The following PCSK6 variants were observed in gnomAD, a reference collection of about 807,000 sequenced individuals.
The protein encoded by PCSK6 is proprotein convertase subtilisin/kexin type 6.
In PCSK6, 85 loss-of-function variants were observed where a neutral mutation model predicts 123.3. The ratio of observed to expected loss-of-function variants is 0.69; its 90% confidence interval spans 0.58 to 0.83. The LOEUF is 0.83. Ranked by LOEUF, PCSK6 falls within the 40% of genes least tolerant of loss-of-function variation. The pLI is 0.00. For missense variants in PCSK6, 1,191 were observed against 1,282.3 expected (o/e 0.93, Z 1.09); for synonymous variants, 508 against 516.0 (o/e 0.98, Z 0.21).
At chr15:101,412,694 T>C (rs1473429609) in intron 6 of PCSK6, among the ~76,000 whole-genome samples, 1 of 131,108 alleles carries the variant, frequency 7.6e-6, no homozygotes, top group East Asian at 2.0e-4. Flanking sequence ...TGGAAAATTA[T>C]ATATATATAT....
chr15:101,347,021 TAAAAATGGAACTTTTTGACAAC>T, intron 13 of PCSK6: 1 of 1,231,762 alleles, frequency 8.1e-7, no homozygotes, highest in Non-Finnish European at 1.0e-6. Context: ...CAAATGGGGT[TAAAAATGGAACTTTTTGACAAC>T]AGTGTGTATG....
rs765579645 is a variant in PCSK6 at position 101,307,341 on chromosome 15, G to T, written c.2700-16C>A. On this transcript the variant is annotated splice_polypyrimidine_tract_variant and intron_variant, in intron 20 of 21. Transcript: ENST00000611716. Reference sequence around the variant, plus strand: ...CTCGTCACACCTGTGGGAAGATACCGTTCCTGCTGAAGTCTGGGGAAGAGG... The same window carrying T: ...CTCGTCACACCTGTGGGAAGATACCTTTCCTGCTGAAGTCTGGGGAAGAGG... 1 of 1,591,946 alleles carries T rather than the reference G, an allele frequency of 6.3e-7. No individual in the cohort carries two copies. Among genetic ancestry groups the T allele is most frequent in the African/African-American group, 1.3e-5 (1 of 74,658 alleles).
intron 11 of PCSK6, among the ~76,000 whole-genome samples, chr15:101,381,102 C>G (rs2041899372): frequency 6.6e-6 from 1 of 151,842 alleles, no homozygotes; most frequent in Non-Finnish European, 1.5e-5. Flanking sequence ...TAGCTCACAT[C>G]TGTAATCCAA....
At position 101,357,215 on chromosome 15, in the gene PCSK6, C is replaced by T. The variant is rs7167480; in HGVS notation, c.1858+8981G>A. Among the ~76,000 whole-genome samples the T allele has an allele frequency of 2.3e-3, 348 of 152,314 alleles. 2 individuals carry two copies. Among genetic ancestry groups the T allele is most frequent in the African/African-American group, 7.9e-3 (328 of 41,570 alleles). On this transcript the variant is annotated intron_variant, in intron 13 of 21. Coordinates refer to ENST00000611716, the MANE Select transcript of PCSK6 (RefSeq NM_002570.5). ...GAGGACTGCCTGCTTTTCTGGTCTA[C>T]GCGTGTGTGTGTGCTGCACTGTGCC...
intron 8 of PCSK6, among the ~76,000 whole-genome samples, chr15:101,392,131 T>C (rs2042250567): frequency 6.6e-6 from 1 of 152,254 alleles, no homozygotes; most frequent in Non-Finnish European, 1.5e-5. Context: ...AGCAAGACTA[T>C]GTTGGGTTTT....
At chr15:101,326,354 C>T (rs1262071568) in intron 16 of PCSK6, 23 bp downstream of exon 16, 3 of 1,545,640 alleles carry the variant, frequency 1.9e-6, no homozygotes, top group East Asian at 2.4e-5. Flanking sequence ...TGGTGAGCCA[C>T]AGGGCTGCGG....
intron 15 of PCSK6, among the ~76,000 whole-genome samples, chr15:101,329,638 G>A (rs190413643): frequency 8.5e-5 from 13 of 152,312 alleles, no homozygotes; most frequent in African/African-American, 1.7e-4. Flanking sequence ...CTCCTGTACC[G>A]GTGGAGCTGC....
At chr15:101,485,957 A>ATTT (rs11303524) in intron 1 of PCSK6, among the ~76,000 whole-genome samples, 32 of 116,062 alleles carry the variant, frequency 2.8e-4, no homozygotes, top group East Asian at 4.9e-4. Flanking sequence ...ATTTATTTAA[A>ATTT]TTTTTTTTTT....
At chr15:101,411,035 C>T (rs1293608459) in intron 6 of PCSK6, among the ~76,000 whole-genome samples, 1 of 152,216 alleles carries the variant, frequency 6.6e-6, no homozygotes, top group Admixed American at 6.5e-5. Flanking sequence ...TCCCCAGGGC[C>T]TGGATCCCTA....
Position 101,398,825 on chromosome 15 carries a change from G to A in PCSK6, c.824-249C>T, listed in dbSNP as rs1270625582. On this transcript the variant is annotated intron_variant, in intron 6 of 21. Coordinates refer to ENST00000611716, the MANE Select transcript of PCSK6 (RefSeq NM_002570.5). This position sits in a 1 kb window ranked among gnomAD's most constrained non-coding sequence, Gnocchi z 4.6. Reference sequence around the variant, plus strand: ...AGGGTTCAGCTTCCCTCAGTGCTATGATGTCCTGCTGGTATCTAAAAATGC... The same window carrying A: ...AGGGTTCAGCTTCCCTCAGTGCTATAATGTCCTGCTGGTATCTAAAAATGC... Among the ~76,000 whole-genome samples the A allele has an allele frequency of 6.6e-6, 1 of 152,204 alleles. No homozygotes were observed. Among genetic ancestry groups the A allele is most frequent in the Non-Finnish European group, 1.5e-5 (1 of 68,040 alleles).
At chr15:101,459,732 G>A (rs115010579) in intron 1 of PCSK6, among the ~76,000 whole-genome samples, 1,786 of 150,620 alleles carry the variant, frequency 0.012, 34 homozygotes, top group African/African-American at 0.04. Context: ...CCCTCACCCT[G>A]ATGCCTCCCA....
At chr15:101,348,054 G>T (rs1879218970) in intron 13 of PCSK6, among the ~76,000 whole-genome samples, 2 of 152,200 alleles carry the variant, frequency 1.3e-5, no homozygotes, top group Non-Finnish European at 2.9e-5. Context: ...TTCCTTCTGG[G>T]TTGTGTTACC....
intron 6 of PCSK6, among the ~76,000 whole-genome samples, chr15:101,425,256 AC>A (rs1438147756): frequency 2.6e-5 from 4 of 152,226 alleles, no homozygotes; most frequent in Admixed American, 2.6e-4. Flanking sequence ...GCTGGCCTTG[AC>A]CCAAGGATCC....
At chr15:101,478,086 C>T (rs549555427) in intron 1 of PCSK6, among the ~76,000 whole-genome samples, 99 of 152,202 alleles carry the variant, frequency 6.5e-4, no homozygotes, top group African/African-American at 2.3e-3. Context: ...TCACATGCCA[C>T]CTGCTCCTTG....
At chr15:101,370,634 CT>C in intron 11 of PCSK6, 111 bp from the exon 12 acceptor site, 2 of 1,041,732 alleles carry the variant, frequency 1.9e-6, no homozygotes, top group Non-Finnish European at 2.5e-6. Flanking sequence ...CCTCAGGGCC[CT>C]GCGGGCCCCG....
At chr15:101,424,106 T>C (rs1194978498) in intron 6 of PCSK6, among the ~76,000 whole-genome samples, 1 of 151,296 alleles carries the variant, frequency 6.6e-6, no homozygotes, top group East Asian at 1.9e-4. Context: ...AAGGTTGTGT[T>C]CACCTGCAGT....
At chr15:101,320,519 G>A (rs2040095914) in intron 18 of PCSK6, among the ~76,000 whole-genome samples, 1 of 152,200 alleles carries the variant, frequency 6.6e-6, no homozygotes, top group African/African-American at 2.4e-5. Context: ...AGAAAACACT[G>A]GTTTTTCCTA....
intron 13 of PCSK6, among the ~76,000 whole-genome samples, chr15:101,362,931 G>A (rs2041276837): frequency 6.6e-6 from 1 of 152,210 alleles, no homozygotes; most frequent in Non-Finnish European, 1.5e-5. Context: ...ACAGAGATGG[G>A]ACCATAGGCT....
At chr15:101,332,131 G>GCCAGAGCCCA in intron 13 of PCSK6, 100 bp from the exon 14 acceptor site, 3 of 1,111,154 alleles carry the variant, frequency 2.7e-6, no homozygotes, top group Non-Finnish European at 3.8e-6. Flanking sequence ...CTGATAGCTG[G>GCCAGAGCCCA]GCTCTGGCCT....
Sources: allele counts gnomAD v4.1 joint callset (sites outside exome capture counted in the v4.1 genomes callset), GRCh38; gene constraint gnomAD v4.1.1; non-coding constraint Gnocchi (gnomAD v3.1); transcripts MANE v1.5; gene names NCBI Gene and HGNC (gene_info 2026-07-23, HGNC 2026-07-21).